The following FAR2 variants were observed in gnomAD, a reference collection of about 807,000 sequenced individuals.
FAR2 encodes epididymis secretory protein Li 81.
FAR2 carries 19 observed loss-of-function variants against 56.0 expected under a neutral mutation model. The ratio of observed to expected loss-of-function variants is 0.34; its 90% confidence interval spans 0.24 to 0.50. The LOEUF (loss-of-function observed/expected upper bound fraction) is 0.50, where lower values mean the gene tolerates loss of function less well. Ranked by LOEUF, FAR2 falls within the 20% of genes least tolerant of loss-of-function variation. FAR2 has a pLI of 0.98. For synonymous variants in FAR2, 219 were observed against 218.8 expected (o/e 1.00, Z -0.01); for missense variants, 508 against 642.2 (o/e 0.79, Z 2.26).
At chr12:29,230,853 C>T (rs1016009571) in intron 1 of FAR2, among the ~76,000 whole-genome samples, 4 of 152,108 alleles carry the variant, frequency 2.6e-5, no homozygotes, top group Non-Finnish European at 4.4e-5. Context: ...AGGGGTAGTT[C>T]AGGAGATTGT....
At chr12:29,272,021 T>A (rs1168643330) in intron 2 of FAR2, among the ~76,000 whole-genome samples, 1 of 152,214 alleles carries the variant, frequency 6.6e-6, no homozygotes, top group African/African-American at 2.4e-5. Context: ...AAGGCTGATA[T>A]GACATAGAAC....
intron 1 of FAR2, among the ~76,000 whole-genome samples, chr12:29,260,994 G>A (rs1285269175): frequency 6.6e-6 from 1 of 152,154 alleles, no homozygotes; most frequent in Non-Finnish European, 1.5e-5. Flanking sequence ...CAACACCTAG[G>A]TCCCTCTGAA....
At chr12:29,230,633 C>T (rs752537472) in intron 1 of FAR2, among the ~76,000 whole-genome samples, 86 of 151,808 alleles carry the variant, frequency 5.7e-4, no homozygotes, top group Non-Finnish European at 9.1e-4. Flanking sequence ...TGGTTTGGAC[C>T]AGTTTGGTAC....
chr12:29,263,648 A>T (rs573442614), intron 1 of FAR2, among the ~76,000 whole-genome samples: 1 of 147,038 alleles, frequency 6.8e-6, no homozygotes, highest in Non-Finnish European at 1.5e-5. Context: ...CTGGACTGAG[A>T]GAAATTTATT....
chr12:29,303,321 T>G (rs1949206462), intron 4 of FAR2, among the ~76,000 whole-genome samples: 1 of 151,236 alleles, frequency 6.6e-6, no homozygotes, highest in Non-Finnish European at 1.5e-5. Context: ...CTTAAGGAGG[T>G]TTTTCACTGA....
intron 4 of FAR2, among the ~76,000 whole-genome samples, chr12:29,303,927 A>G (rs1176676922): frequency 1.3e-5 from 2 of 152,210 alleles, no homozygotes; most frequent in Non-Finnish European, 2.9e-5. Context: ...CAGGGTATTC[A>G]GCATCTGGCT....
chr12:29,183,634 A>G (rs1013455089), intron 1 of FAR2, among the ~76,000 whole-genome samples: 1 of 152,212 alleles, frequency 6.6e-6, no homozygotes, highest in Admixed American at 6.5e-5. Flanking sequence ...TCCAATAAAT[A>G]TGGAATTTTC....
intron 1 of FAR2, among the ~76,000 whole-genome samples, chr12:29,237,071 ACTTGAAAATATTTTTTTCAG>A (rs1947954090): frequency 6.6e-6 from 1 of 152,212 alleles, no homozygotes; most frequent in Admixed American, 6.5e-5. Flanking sequence ...AACAGTATCA[ACTTGAAAATATTTTTTTCAG>A]CTTGAAAATA....
At chr12:29,227,885 A>AG (rs1947794991) in intron 1 of FAR2, among the ~76,000 whole-genome samples, 1 of 151,814 alleles carries the variant, frequency 6.6e-6, no homozygotes, top group South Asian at 2.1e-4. Context: ...AGGTAAAAAA[A>AG]AAAAAATTGG....
intron 1 of FAR2, among the ~76,000 whole-genome samples, chr12:29,165,747 A>G (rs1197592239): frequency 6.6e-6 from 1 of 152,212 alleles, no homozygotes; most frequent in African/African-American, 2.4e-5. Flanking sequence ...AAATAGGTAA[A>G]CATTTGGAGC....
At chr12:29,321,394 G>A (rs949545228) in intron 9 of FAR2, among the ~76,000 whole-genome samples, 3 of 151,890 alleles carry the variant, frequency 2.0e-5, no homozygotes, top group Non-Finnish European at 2.9e-5. Context: ...GCCCCACTGC[G>A]CTCCAGCCTG....
chr12:29,318,971 A>T (rs1949505449), intron 9 of FAR2, among the ~76,000 whole-genome samples: 1 of 137,464 alleles, frequency 7.3e-6, no homozygotes, highest in Non-Finnish European at 1.7e-5. Context: ...AGGGTACAAA[A>T]GTCTTTTTTT....
chr12:29,219,506 T>G (rs2136637536), intron 1 of FAR2, among the ~76,000 whole-genome samples: 1 of 152,284 alleles, frequency 6.6e-6, no homozygotes, highest in African/African-American at 2.4e-5. Flanking sequence ...GAACAGGGAC[T>G]TTGTTTAGTT....
rs991995939 is a variant in FAR2, at chr12:29,270,304, AT to A, written c.-38-101del. ...CCACGATGCTCTCACTGTCTGACCT[AT>A]TTTTTTCTGCATTCAAAGCTCTTGG... On this transcript the variant is annotated intron_variant, in intron 1 of 11. Coordinates refer to ENST00000536681, the MANE Select transcript of FAR2 (RefSeq NM_001271783.2). 1,425 of 780,232 alleles carry A rather than the reference AT, an allele frequency of 1.8e-3. 19 individuals are homozygous for A. The highest frequency in any genetic ancestry group is 2.6e-4 in the Non-Finnish European group (134 of 509,960). 48.3% of individuals were successfully genotyped at this position (780,232 alleles called of 1,614,324 possible). A position where few individuals can be genotyped will look rare whatever the true frequency, so the allele number is the denominator to read the frequency against.
chr12:29,196,709 A>G (rs1950147255), intron 1 of FAR2, among the ~76,000 whole-genome samples: 1 of 152,202 alleles, frequency 6.6e-6, no homozygotes, highest in Admixed American at 6.5e-5. Flanking sequence ...TAGGCAAAAA[A>G]AATCATGAGT....
chr12:29,196,778 T>C (rs1256816927), intron 1 of FAR2, among the ~76,000 whole-genome samples: 2 of 152,156 alleles, frequency 1.3e-5, no homozygotes, highest in East Asian at 3.9e-4. Context: ...TTGATTAAAC[T>C]AAAAAGCTTC....
chr12:29,302,219 G>A (rs1300528756), intron 4 of FAR2, among the ~76,000 whole-genome samples: 14 of 126,282 alleles, frequency 1.1e-4, no homozygotes, highest in Non-Finnish European at 2.1e-4. Context: ...GCGACAGAGC[G>A]AGACTCCATC....
chr12:29,179,051 G>T (rs1359732790), intron 1 of FAR2, among the ~76,000 whole-genome samples: 1 of 152,126 alleles, frequency 6.6e-6, no homozygotes, highest in East Asian at 1.9e-4. Context: ...CTCTCTGTAT[G>T]TGTTTGTGTG....
chr12:29,322,645 C>A (rs2136814390), intron 10 of FAR2, among the ~76,000 whole-genome samples: 1 of 152,284 alleles, frequency 6.6e-6, no homozygotes, highest in Admixed American at 6.5e-5. Context: ...TAGCCTTTTT[C>A]TCAGTCATGT....
Sources: allele counts gnomAD v4.1 joint callset (sites outside exome capture counted in the v4.1 genomes callset), GRCh38; gene constraint gnomAD v4.1.1; transcripts MANE v1.5; gene names NCBI Gene and HGNC (gene_info 2026-07-23, HGNC 2026-07-21).